The following HMGXB3 variants were observed in gnomAD, a reference collection of about 807,000 sequenced individuals.
HMGXB3 encodes the protein HMG domain-containing protein 3.
HMGXB3 carries 45 observed loss-of-function variants against 121.5 expected under a neutral mutation model. That is an observed-to-expected ratio of 0.37 (90% CI 0.29 to 0.47). The LOEUF is 0.47. Ranked by LOEUF, HMGXB3 falls within the 20% of genes least tolerant of loss-of-function variation. The probability of loss-of-function intolerance (pLI) is 0.99; values close to 1 mark genes in which losing one functional copy is unlikely to be tolerated. For synonymous variants in HMGXB3, 590 were observed against 624.1 expected (o/e 0.95, Z 0.81); for missense variants, 1,376 against 1,602.2 (o/e 0.86, Z 2.41).
intron 10 of HMGXB3, among the ~76,000 whole-genome samples, chr5:150,032,154 C>T (rs1455219865): frequency 6.6e-6 from 1 of 152,190 alleles, no homozygotes; most frequent in Non-Finnish European, 1.5e-5. Flanking sequence ...TTAAACAGAC[C>T]TGCTTTACTC....
At chr5:150,041,192 G>A (rs1756625188) in intron 14 of HMGXB3, among the ~76,000 whole-genome samples, 2 of 152,188 alleles carry the variant, frequency 1.3e-5, no homozygotes, top group East Asian at 3.8e-4. Flanking sequence ...CACAGCTCCT[G>A]GATATCTGCT....
intron 9 of HMGXB3, among the ~76,000 whole-genome samples, chr5:150,028,089 G>C (rs1358466116): frequency 6.6e-6 from 1 of 152,246 alleles, no homozygotes; most frequent in East Asian, 1.9e-4. Context: ...ATTCTAGGGG[G>C]ACATCAGTCA....
At chr5:150,007,169 G>A (rs1418863324) in intron 3 of HMGXB3, among the ~76,000 whole-genome samples, 1 of 152,208 alleles carries the variant, frequency 6.6e-6, no homozygotes. Context: ...AAAAATGCAA[G>A]TAAAGCCAAA....
chr5:150,034,643 A>G (rs1399934650), intron 11 of HMGXB3, among the ~76,000 whole-genome samples: 1 of 152,194 alleles, frequency 6.6e-6, no homozygotes, highest in Admixed American at 6.5e-5. Flanking sequence ...CAGACCTTCC[A>G]TCACTTTCCA....
At chr5:150,047,096 A>G (rs1004420529) in intron 16 of HMGXB3, among the ~76,000 whole-genome samples, 1 of 151,804 alleles carries the variant, frequency 6.6e-6, no homozygotes, top group Non-Finnish European at 1.5e-5. Context: ...GTTTCACCAT[A>G]TTGGTCAGGC....
chr5:150,011,213 C>A (rs968050742), intron 4 of HMGXB3, among the ~76,000 whole-genome samples: 1 of 152,156 alleles, frequency 6.6e-6, no homozygotes, highest in African/African-American at 2.4e-5. Flanking sequence ...ATCTTCAAGG[C>A]CAGGTTGATG....
chr5:150,018,671 T>C lies in HMGXB3; in HGVS notation c.1015T>C (p.Phe339Leu). 1 of 1,550,484 alleles carries C rather than the reference T, an allele frequency of 6.4e-7. No individual in the cohort carries two copies. The highest frequency in any genetic ancestry group is 8.7e-7 in the Non-Finnish European group (1 of 1,146,438). Residue 339 changes from phenylalanine (F) to leucine (L), a missense_variant, in exon 6 of 20, where the codon TTC (phenylalanine) becomes CTC (leucine). Around this residue, in one of 2 missense-constraint regions of HMGXB3, gnomAD observed 1,116 missense variants for 1,369.0 expected, o/e 0.82. Transcript: ENST00000502717. ...KPPKCPTCGN[F>L]LGGKWIPKEK... ...ACCTAAGTGCCCTACCTGTGGTAAC[T>C]TCCTAGGAGGGAAGTGGATCCCAAA...
chr5:150,015,632 C>A (rs552965036), intron 5 of HMGXB3, among the ~76,000 whole-genome samples: 1 of 152,128 alleles, frequency 6.6e-6, no homozygotes, highest in Admixed American at 6.5e-5. Flanking sequence ...TATGAATTTC[C>A]CTCTAAGCAC....
chr5:150,007,520 A>G (rs1370885807), intron 3 of HMGXB3, among the ~76,000 whole-genome samples: 2 of 152,122 alleles, frequency 1.3e-5, no homozygotes, highest in Non-Finnish European at 2.9e-5. Flanking sequence ...AACAGGTTGT[A>G]TTTTCCCTTA....
chr5:150,005,426 C>G (rs1431858877), intron 2 of HMGXB3, among the ~76,000 whole-genome samples: 1 of 151,770 alleles, frequency 6.6e-6, no homozygotes, highest in Non-Finnish European at 1.5e-5. Flanking sequence ...GTGGAGAAAC[C>G]CCGTCTCTAC....
Position 150,051,990 on chromosome 5 carries a change from C to T in HMGXB3, c.3677C>T (p.Thr1226Ile). 1.3e-6 allele frequency: 2 copies of T among 1,552,194 alleles called. No individual in the cohort carries two copies. Among genetic ancestry groups the T allele is most frequent in the South Asian group, 2.4e-5 (2 of 84,064 alleles). ...CGGCCCATTGCCTTCGACAATGCCA[C>T]TCACTATTACCTCTACAACCGCCTC... is the stretch of plus-strand genomic sequence containing the variant. ...RQRPIAFDNATHYYLYNRLMD... is the reference protein window; with the variant it reads ...RQRPIAFDNAIHYYLYNRLMD... Residue 1226 changes from threonine (T) to isoleucine (I), a missense_variant, in exon 20 of 20, where the codon ACT becomes ATT. By Grantham distance (89) the Thr-to-Ile change is moderately conservative (BLOSUM62 -1). Transcript: ENST00000502717.
chr5:150,006,133 C>T (rs1298043250), intron 2 of HMGXB3, among the ~76,000 whole-genome samples: 1 of 152,130 alleles, frequency 6.6e-6, no homozygotes, highest in Non-Finnish European at 1.5e-5. Flanking sequence ...ATAAGCATTT[C>T]TCCTATACCA....
intron 4 of HMGXB3, among the ~76,000 whole-genome samples, chr5:150,011,026 T>C (rs1755818984): frequency 1.3e-5 from 2 of 152,320 alleles, no homozygotes; most frequent in Non-Finnish European, 2.9e-5. Flanking sequence ...TTCCTGGGCT[T>C]AAGCAGTCCT....
Position 150,010,434 on chromosome 5 carries a change from G to A in HMGXB3, c.636G>A (p.Gln212=), listed in dbSNP as rs1423629977. Reference sequence around the variant, plus strand: ...TTGCCACCTCAGAGATCCTCAGCCAGGATGTGCTCCTAGAGGACGCTTCCC... The same window carrying A: ...TTGCCACCTCAGAGATCCTCAGCCAAGATGTGCTCCTAGAGGACGCTTCCC... ...QEIATSEILS[Q]DVLLEDASLE... Residue 212 remains glutamine, a synonymous_variant, in exon 4 of 20, where the codon CAG becomes CAA. Transcript: ENST00000502717. The A allele has an allele frequency of 4.5e-6, 7 of 1,551,534 alleles. No homozygotes were observed. The Admixed American group carries it at 1.2e-4, about 26-fold the overall frequency.
In HMGXB3 at chr5:150,026,689, CTT is replaced by C; in HGVS notation, c.1461-16_1461-15del. On this transcript the variant is annotated splice_polypyrimidine_tract_variant and intron_variant, in intron 7 of 19. Coordinates refer to ENST00000502717, the MANE Select transcript of HMGXB3 (RefSeq NM_014983.3). ...TTTGTTCCAGAATTTCCAGATTTCT[CTT>C]CTTATTCTTTTCAGAGCTGACCTGC... 1 of 1,541,662 alleles carries C rather than the reference CTT, an allele frequency of 6.5e-7. No individual in the cohort carries two copies. Among genetic ancestry groups the C allele is most frequent in the Non-Finnish European group, 8.7e-7 (1 of 1,143,722 alleles).
chr5:150,027,615 A>G (rs1465710102), intron 9 of HMGXB3, among the ~76,000 whole-genome samples: 5 of 151,998 alleles, frequency 3.3e-5, no homozygotes, highest in African/African-American at 4.8e-5. Context: ...CAGTGGCACA[A>G]TCTTGGCTCA....
Position 150,010,446 on chromosome 5 carries a change from A to G in HMGXB3, c.648A>G (p.Leu216=), listed in dbSNP as rs1178743410. Residue 216 remains leucine, a synonymous_variant, in exon 4 of 20, where the codon CTA becomes CTG. Coordinates refer to ENST00000502717, the MANE Select transcript of HMGXB3 (RefSeq NM_014983.3). The part of the protein sequence containing the change: ...TSEILSQDVL[L]EDASLEVGES... ...AGATCCTCAGCCAGGATGTGCTCCT[A>G]GAGGACGCTTCCCTAGAAGTAGGGG... 1 of 1,551,536 alleles carries G rather than the reference A, an allele frequency of 6.4e-7. No homozygotes were observed.
intron 1 of HMGXB3, 76 bp from the exon 2 acceptor site, chr5:150,004,775 G>A (rs1755656695): frequency 5.1e-6 from 5 of 975,840 alleles, no homozygotes; most frequent in South Asian, 1.6e-5. Context: ...AGAGGTAAGG[G>A]GTTATTTGAT....
chr5:150,010,343 G>T lies in HMGXB3; in HGVS notation c.545G>T (p.Cys182Phe), dbSNP rs144995463. The part of the protein sequence containing the change: ...VPSHAGMAEQ[C>F]LAVEALAEEV... ...AGCCATGCAGGCATGGCAGAGCAGTGCCTGGCTGTGGAGGCCCTGGCTGAG... is the reference window on the plus strand; with the variant it reads ...AGCCATGCAGGCATGGCAGAGCAGTTCCTGGCTGTGGAGGCCCTGGCTGAG... Residue 182 changes from cysteine (C) to phenylalanine (F), a missense_variant, in exon 4 of 20, where the codon TGC becomes TTC. Transcript: ENST00000502717. 78 of 1,551,724 alleles carry T rather than the reference G, an allele frequency of 5.0e-5. No homozygotes were observed. The highest frequency in any genetic ancestry group is 1.1e-4 in the South Asian group (9 of 84,064).
Sources: gnomAD v4.1 joint callset for allele counts (sites outside exome capture counted in the v4.1 genomes callset) on GRCh38, gnomAD v4.1.1 for gene constraint, gnomAD v4.1.1 regional missense constraint, MANE v1.5 for transcripts, NCBI Gene and HGNC (gene_info 2026-07-23, HGNC 2026-07-21) for gene names.